The following MMACHC variants were observed in gnomAD, a reference collection of about 807,000 sequenced individuals.
The protein encoded by MMACHC is cyanocobalamin reductase / alkylcobalamin dealkylase.
MMACHC carries 14 observed loss-of-function variants against 17.6 expected under a neutral mutation model. The observed-to-expected ratio is 0.80, with a 90% CI of 0.53 to 1.25. The LOEUF (loss-of-function observed/expected upper bound fraction) is 1.25, where lower values mean the gene tolerates loss of function less well. Among genes scored for constraint, MMACHC ranks in the 50% most tolerant of loss-of-function variants. The pLI, the probability that MMACHC is intolerant of heterozygous loss-of-function variation, is 0.00. For synonymous variants in MMACHC, 151 were observed against 142.1 expected, an observed-to-expected ratio of 1.06 and a Z score of -0.45; for missense variants, 392 against 364.5, an observed-to-expected ratio of 1.08 and a Z score of -0.62.
intron 1 of MMACHC, among the ~76,000 whole-genome samples, chr1:45,504,368 A>G (rs1039988902): frequency 2.0e-5 from 3 of 152,158 alleles, no homozygotes; most frequent in Non-Finnish European, 4.4e-5. Flanking sequence ...GTGAGCCAAG[A>G]TCGCGCCACA....
chr1:45,509,129 C>T lies in MMACHC; in HGVS notation c.763C>T (p.Pro255Ser), dbSNP rs533256855. 17 of 1,611,786 alleles carry T rather than the reference C, an allele frequency of 1.1e-5. No individual in the cohort carries two copies. In the African/African-American group the frequency reaches 2.1e-4, roughly 20 times the overall value. Residue 255 changes from proline to serine, a missense_variant, in exon 4 of 4, where the codon CCC (proline) becomes TCC (serine). Coordinates refer to ENST00000401061, the MANE Select transcript of MMACHC (RefSeq NM_015506.3). Reference sequence around the variant, plus strand: ...CTCCCCGGACCTTCCCTTTACCACACCCGCCCCCAAGAAGCCTGGGAATCC... The same window carrying T: ...CTCCCCGGACCTTCCCTTTACCACATCCGCCCCCAAGAAGCCTGGGAATCC... ...SPSPDLPFTTPAPKKPGNPSR... is the reference protein window; with the variant it reads ...SPSPDLPFTTSAPKKPGNPSR...
In MMACHC at chr1:45,511,457, T is replaced by TGGTGC; in HGVS notation, c.*2242_*2243insGGTGC. On this transcript the variant is annotated 3_prime_UTR_variant, in exon 4 of 4. Transcript: ENST00000401061. ...CACTAATTAATAACCTTCTCAATGGTATGCACCACCATTCTCCTATGGACA... is the reference window on the plus strand; with the variant it reads ...CACTAATTAATAACCTTCTCAATGGTGGTGCATGCACCACCATTCTCCTATGGACA... 1 of 1,523,168 alleles carries TGGTGC rather than the reference T, an allele frequency of 6.6e-7. No individual in the cohort carries two copies. The highest frequency in any genetic ancestry group is 9.1e-7 in the Non-Finnish European group (1 of 1,104,136). 94.4% of individuals were successfully genotyped at this position (1,523,168 alleles called of 1,614,324 possible). A position where few individuals can be genotyped will look rare whatever the true frequency, so the allele number is the denominator to read the frequency against.
At chr1:45,503,454 G>A (rs1481433870) in intron 1 of MMACHC, among the ~76,000 whole-genome samples, 1 of 52,320 alleles carries the variant, frequency 1.9e-5, no homozygotes, top group African/African-American at 6.6e-5. Flanking sequence ...TTTTTTTTTT[G>A]AGATGGAGTC....
chr1:45,507,630 C>A, intron 2 of MMACHC, 80 bp downstream of exon 2: 1 of 1,503,260 alleles, frequency 6.7e-7, no homozygotes, highest in Middle Eastern at 1.8e-4. Context: ...AGGATCTAGA[C>A]CTAGGGCTAG....
At chr1:45,507,231 G>C in intron 1 of MMACHC, 125 bp from the exon 2 acceptor site, 1 of 826,988 alleles carries the variant, frequency 1.2e-6, no homozygotes, top group Non-Finnish European at 2.0e-6. Flanking sequence ...CATAGCGTCA[G>C]TGAAAATTCA....
chr1:45,504,194 C>A (rs915794763), intron 1 of MMACHC, among the ~76,000 whole-genome samples: 19 of 152,098 alleles, frequency 1.2e-4, no homozygotes, highest in South Asian at 2.1e-4. Flanking sequence ...GCGGGTGGAT[C>A]ATCTGAGGTC....
In MMACHC at chr1:45,509,415, A is replaced by ATT. The variant is rs1557609475; in HGVS notation, c.*200_*201insTT. On this transcript the variant is annotated 3_prime_UTR_variant, in exon 4 of 4. Transcript: ENST00000401061. ...CAGAATTCCCATCTGCCTTCAAATG[A>ATT]GTTTTTTTTTTTTTTTTAGACAGAG... 3.3e-4 allele frequency: 81 copies of ATT among 245,570 alleles called. No individual in the cohort carries two copies. In the African/African-American group the frequency reaches 5.8e-3, roughly 17 times the overall value. The allele number at this position is 245,570 out of a possible 1,614,324, so 15.2% of individuals were successfully genotyped here. A position where few individuals can be genotyped will look rare whatever the true frequency, so the allele number is the denominator to read the frequency against.
At position 45,509,119 on chromosome 1, in the gene MMACHC, C is replaced by A. The variant is rs1643688309; in HGVS notation, c.753C>A (p.Pro251=). Residue 251 remains proline (P), a synonymous_variant, in exon 4 of 4, where the codon CCC becomes CCA. Coordinates refer to ENST00000401061, the MANE Select transcript of MMACHC (RefSeq NM_015506.3). ...CTAGTTCTCCCTCCCCGGACCTTCCCTTTACCACACCCGCCCCCAAGAAGC... is the reference window on the plus strand; with the variant it reads ...CTAGTTCTCCCTCCCCGGACCTTCCATTTACCACACCCGCCCCCAAGAAGC... The part of the protein sequence containing the change: ...EKPSSPSPDL[P]FTTPAPKKPG... 10 of 1,612,708 alleles carry A rather than the reference C, an allele frequency of 6.2e-6. No homozygotes were observed. The highest frequency in any genetic ancestry group is 8.5e-6 in the Non-Finnish European group (10 of 1,179,386).
At position 45,510,121 on chromosome 1, in the gene MMACHC, A is replaced by T. The variant is rs1237926817; in HGVS notation, c.*906A>T. The T allele has an allele frequency of 6.6e-6, 1 of 151,928 alleles. No homozygotes were observed. The highest frequency in any genetic ancestry group is 1.5e-5 in the Non-Finnish European group (1 of 67,994). 9.4% of individuals were successfully genotyped at this position (151,928 alleles called of 1,614,324 possible). ...CCTACCTCAGGTAGGGACTGAATAA[A>T]CACGTGTAAGGCACTTTGGAAAAAT... On this transcript the variant is annotated 3_prime_UTR_variant, in exon 4 of 4. Transcript: ENST00000401061.
intron 3 of MMACHC, 58 bp downstream of exon 3, chr1:45,508,422 A>G: frequency 6.3e-7 from 1 of 1,587,974 alleles, no homozygotes; most frequent in Non-Finnish European, 8.6e-7. Context: ...TCTCCCTACC[A>G]GGTCCCACAT....
intron 2 of MMACHC, among the ~76,000 whole-genome samples, chr1:45,507,925 C>T (rs1383271718): frequency 6.6e-6 from 1 of 152,184 alleles, no homozygotes; most frequent in Non-Finnish European, 1.5e-5. Flanking sequence ...ACAATATTCT[C>T]CCAACACACA....
In MMACHC at chr1:45,509,389, C is replaced by G. The variant is rs1643695630; in HGVS notation, c.*174C>G. 1 of 642,034 alleles carries G rather than the reference C, an allele frequency of 1.6e-6. No homozygotes were observed. The highest frequency in any genetic ancestry group is 2.5e-6 in the Non-Finnish European group (1 of 392,664). The allele number at this position is 642,034 out of a possible 1,614,324, so 39.8% of individuals were successfully genotyped here. A position where few individuals can be genotyped will look rare whatever the true frequency, so the allele number is the denominator to read the frequency against. ...TTTGGCCAAGATAAAGGCCAGGGAA[C>G]CAGAATTCCCATCTGCCTTCAAATG... On this transcript the variant is annotated 3_prime_UTR_variant, in exon 4 of 4. Transcript: ENST00000401061.
chr1:45,505,444 C>G (rs185332630), intron 1 of MMACHC, among the ~76,000 whole-genome samples: 4 of 151,752 alleles, frequency 2.6e-5, no homozygotes, highest in Admixed American at 2.6e-4. Context: ...GAGAATCCGT[C>G]TCAAAAAATA....
chr1:45,511,289 T>C lies in MMACHC; in HGVS notation c.*2074T>C, dbSNP rs750780038. 1 of 1,484,364 alleles carries C rather than the reference T, an allele frequency of 6.7e-7. No individual in the cohort carries two copies. The highest frequency in any genetic ancestry group is 1.4e-5 in the African/African-American group (1 of 70,232). The allele number at this position is 1,484,364 out of a possible 1,614,324, so 91.9% of individuals were successfully genotyped here. On this transcript the variant is annotated 3_prime_UTR_variant, in exon 4 of 4. Transcript: ENST00000401061. Reference sequence around the variant, plus strand: ...AAATACAGAAGAGGTTTTGTTCTCATGGCTGCCCACCGCAGCCTGGCACTA... The same window carrying C: ...AAATACAGAAGAGGTTTTGTTCTCACGGCTGCCCACCGCAGCCTGGCACTA...
chr1:45,509,414 GAGT>G lies in MMACHC; in HGVS notation c.*200_*202del. On this transcript the variant is annotated 3_prime_UTR_variant, in exon 4 of 4. Transcript: ENST00000401061. Reference sequence around the variant, plus strand: ...CCAGAATTCCCATCTGCCTTCAAATGAGTTTTTTTTTTTTTTTTAGACAGAGTC... The same window carrying G: ...CCAGAATTCCCATCTGCCTTCAAATGTTTTTTTTTTTTTTTAGACAGAGTC... 1 of 275,822 alleles carries G rather than the reference GAGT, an allele frequency of 3.6e-6. No homozygotes were observed. The highest frequency in any genetic ancestry group is 5.7e-6 in the Non-Finnish European group (1 of 176,004). The allele number at this position is 275,822 out of a possible 1,614,324, so 17.1% of individuals were successfully genotyped here.
Position 45,507,561 on chromosome 1 carries a change from C to T in MMACHC, c.276+11C>T. ...GGCCGTGTTAGAGAGGTGAGGAAGG[C>T]TCAGTTTTCCCCCAGCTCCCAAACC... On this transcript the variant is annotated intron_variant, in intron 2 of 3. Coordinates refer to ENST00000401061, the MANE Select transcript of MMACHC (RefSeq NM_015506.3). 2 of 1,614,070 alleles carry T rather than the reference C, an allele frequency of 1.2e-6. No individual in the cohort carries two copies. Among genetic ancestry groups the T allele is most frequent in the Non-Finnish European group, 1.7e-6 (2 of 1,179,980 alleles).
Position 45,507,448 on chromosome 1 carries a change from G to C in MMACHC, c.174G>C (p.Met58Ile). 1 of 1,614,164 alleles carries C rather than the reference G, an allele frequency of 6.2e-7. No homozygotes were observed. Among genetic ancestry groups the C allele is most frequent in the South Asian group, 1.1e-5 (1 of 91,076 alleles). ...LAFLVLSTPA[M>I]FDRALKPFLQ... is the part of the protein sequence containing the mutation. ...TCCTGGTACTCAGCACGCCTGCCAT[G>C]TTTGACCGGGCCCTCAAGCCCTTCT... Residue 58 changes from methionine to isoleucine, a missense_variant, in exon 2 of 4, where the codon ATG becomes ATC. Physicochemically the swap from Met to Ile is conservative, Grantham distance 10. Transcript: ENST00000401061.
In MMACHC at chr1:45,512,533, C is replaced by CA. The variant is rs544265336; in HGVS notation, c.*3329dup. The CA allele has an allele frequency of 4.7e-3, 662 of 140,590 alleles. 3 individuals carry two copies. Among genetic ancestry groups the CA allele is most frequent in the African/African-American group, 0.013 (519 of 38,576 alleles). The allele number at this position is 140,590 out of a possible 1,614,324, so 8.7% of individuals were successfully genotyped here. A position where few individuals can be genotyped will look rare whatever the true frequency, so the allele number is the denominator to read the frequency against. On this transcript the variant is annotated 3_prime_UTR_variant, in exon 4 of 4. Transcript: ENST00000401061. ...TGGGCGACAAAACAAGACTCTGTCT[C>CA]AAAAAAAAAAAGTGTTTGGCATTCA...
At chr1:45,508,181 A>G in intron 2 of MMACHC, 31 bp from the exon 3 acceptor site, 1 of 1,613,322 alleles carries the variant, frequency 6.2e-7, no homozygotes, top group Non-Finnish European at 8.5e-7. Context: ...CCTCATGCTG[A>G]CAGTACCCTC....
Sources: allele counts gnomAD v4.1 joint callset (sites outside exome capture counted in the v4.1 genomes callset), GRCh38; gene constraint gnomAD v4.1.1; transcripts MANE v1.5; gene names NCBI Gene and HGNC (gene_info 2026-07-23, HGNC 2026-07-21).